DNM3: variants seen among roughly 807,000 people sequenced by gnomAD.
The protein encoded by DNM3 is dynamin 3.
A neutral mutation model predicts 101.6 loss-of-function variants in DNM3; 47 were observed. The observed-to-expected ratio is 0.46, with a 90% CI of 0.37 to 0.59. DNM3 has a LOEUF of 0.59. DNM3 is among the 20% of genes least tolerant of loss of function. DNM3 has a pLI of 0.00. For missense variants in DNM3, 849 were observed against 1,085.7 expected, an observed-to-expected ratio of 0.78 and a Z score of 3.06; for synonymous variants, 385 against 387.9, an observed-to-expected ratio of 0.99 and a Z score of 0.09.
At chr1:172,048,585 A>G (rs751881404) in intron 9 of DNM3, 27 bp from the exon 10 acceptor site, 13 of 1,581,602 alleles carry the variant, frequency 8.2e-6, no homozygotes, top group Non-Finnish European at 1.1e-5. Context: ...AAAAAATCTC[A>G]TGGGCTGCTT....
At chr1:172,035,219 C>T (rs2048873997) in intron 6 of DNM3, among the ~76,000 whole-genome samples, 2 of 151,962 alleles carry the variant, frequency 1.3e-5, no homozygotes, top group South Asian at 4.1e-4. Context: ...GATGGGGAAC[C>T]CTGAAGGGAA....
At chr1:172,101,402 G>T (rs1409494019) in intron 13 of DNM3, among the ~76,000 whole-genome samples, 2 of 152,116 alleles carry the variant, frequency 1.3e-5, no homozygotes, top group African/African-American at 4.8e-5. Flanking sequence ...TGGTTCTTCA[G>T]AGCTGACACA....
At chr1:172,065,719 G>A (rs2051603017) in intron 10 of DNM3, among the ~76,000 whole-genome samples, 1 of 152,158 alleles carries the variant, frequency 6.6e-6, no homozygotes, top group Non-Finnish European at 1.5e-5. Context: ...GGAGACGCTG[G>A]TGATGATTTT....
chr1:172,217,140 T>A (rs892290553), intron 14 of DNM3, among the ~76,000 whole-genome samples: 1 of 152,118 alleles, frequency 6.6e-6, no homozygotes, highest in Non-Finnish European at 1.5e-5. Context: ...ATGAGCCACA[T>A]AGTGGCATTT....
At chr1:172,188,309 G>C (rs1488418386) in intron 14 of DNM3, among the ~76,000 whole-genome samples, 16 of 152,070 alleles carry the variant, frequency 1.1e-4, no homozygotes, top group Non-Finnish European at 7.4e-5. Flanking sequence ...TTTTCCTTAG[G>C]CTCAGGTGGT....
intron 14 of DNM3, among the ~76,000 whole-genome samples, chr1:172,156,505 A>T (rs1413903161): frequency 6.6e-6 from 1 of 152,074 alleles, no homozygotes; most frequent in African/African-American, 2.4e-5. Flanking sequence ...TTCTTACCTA[A>T]TAATTCCTAG....
At chr1:172,133,032 G>C in intron 14 of DNM3, 2 of 1,500,016 alleles carry the variant, frequency 1.3e-6, no homozygotes, top group Non-Finnish European at 1.8e-6. Flanking sequence ...GAGATGCCTG[G>C]AGTTGTCCAA....
In DNM3 at chr1:172,038,407, C is replaced by G. The variant is rs764755733; in HGVS notation, c.938C>G (p.Ala313Gly). Residue 313 changes from alanine (A) to glycine (G), a missense_variant, in exon 7 of 21, where the codon GCC (alanine) becomes GGC (glycine). By Grantham distance (60) the Ala-to-Gly change is moderately conservative (BLOSUM62 0). This residue lies in a region of DNM3 where 388 missense variants were observed against 483.0 expected (regional missense o/e 0.80). Coordinates refer to ENST00000627582, the MANE Select transcript of DNM3 (RefSeq NM_015569.5). The part of the protein sequence containing the change: ...QLLSIEHEVE[A>G]YKNFKPEDPT... ...CTCTCCATAGAACATGAAGTAGAAG[C>G]CTACAAAAATTTCAAACCAGAAGAC... The G allele has an allele frequency of 6.2e-7, 1 of 1,613,348 alleles. No individual in the cohort carries two copies. Among genetic ancestry groups the G allele is most frequent in the South Asian group, 1.1e-5 (1 of 91,062 alleles).
At chr1:172,109,195 A>G (rs1279293050) in intron 13 of DNM3, among the ~76,000 whole-genome samples, 1 of 152,136 alleles carries the variant, frequency 6.6e-6, no homozygotes, top group Admixed American at 6.5e-5. Context: ...ACTAAAACTG[A>G]TTTTCTTAAT....
At chr1:172,361,809 C>T (rs1333038339) in intron 17 of DNM3, among the ~76,000 whole-genome samples, 1 of 152,024 alleles carries the variant, frequency 6.6e-6, no homozygotes. Context: ...AAGCTTTCTA[C>T]ACAAGTCATC....
At chr1:172,268,805 G>T (rs138076901) in intron 15 of DNM3, among the ~76,000 whole-genome samples, 100 of 152,226 alleles carry the variant, frequency 6.6e-4, no homozygotes, top group Non-Finnish European at 1.1e-3. Context: ...AATGAAATAG[G>T]AGTATGACGT....
intron 13 of DNM3, among the ~76,000 whole-genome samples, chr1:172,109,997 C>CTTTGT (rs2055345100): frequency 6.6e-6 from 1 of 152,168 alleles, no homozygotes; most frequent in South Asian, 2.1e-4. Context: ...ATGTGTTGTT[C>CTTTGT]TTTGTTTTGT....
intron 2 of DNM3, among the ~76,000 whole-genome samples, chr1:171,981,184 A>G (rs184487065): frequency 2.4e-4 from 36 of 152,352 alleles, no homozygotes; most frequent in Non-Finnish European, 7.3e-5. Flanking sequence ...TGCTTTATAC[A>G]GCCAGTGAAT....
chr1:172,390,198 G>A (rs2069443995), intron 20 of DNM3, among the ~76,000 whole-genome samples: 1 of 152,170 alleles, frequency 6.6e-6, no homozygotes. Flanking sequence ...AGTAATAGCA[G>A]TACTAGCAAT....
At chr1:172,073,300 TATATGTGTACATATTTGAACATATGTGC>T (rs1005832474) in intron 11 of DNM3, among the ~76,000 whole-genome samples, 1 of 76,908 alleles carries the variant, frequency 1.3e-5, no homozygotes, top group African/African-American at 3.0e-5. Flanking sequence ...CACATATAAG[TATATGTGTACATATTTGAACATATGTGC>T]ATATGTGTAC....
intron 1 of DNM3, among the ~76,000 whole-genome samples, chr1:171,903,500 T>TTA: frequency 6.6e-6 from 1 of 152,188 alleles, no homozygotes; most frequent in Non-Finnish European, 1.5e-5. Flanking sequence ...GCTATCTTAT[T>TTA]TATTAATATG....
intron 17 of DNM3, among the ~76,000 whole-genome samples, chr1:172,347,009 A>C (rs2066972282): frequency 6.6e-6 from 1 of 152,182 alleles, no homozygotes; most frequent in African/African-American, 2.4e-5. Context: ...TATTGTATTG[A>C]CCTTGGCACT....
In DNM3 at chr1:172,408,866, T is replaced by G. The variant is rs1488822155; in HGVS notation, c.*1025T>G. On this transcript the variant is annotated 3_prime_UTR_variant, in exon 21 of 21. Coordinates refer to ENST00000627582, the MANE Select transcript of DNM3 (RefSeq NM_015569.5). ...CATTCTAGGCTTTCTTAATAAATCTTGAGGCTATGGGATAATCACATTTAA... is the reference window on the plus strand; with the variant it reads ...CATTCTAGGCTTTCTTAATAAATCTGGAGGCTATGGGATAATCACATTTAA... 2 of 985,198 alleles carry G rather than the reference T, an allele frequency of 2.0e-6. No individual in the cohort carries two copies. Among genetic ancestry groups the G allele is most frequent in the African/African-American group, 1.7e-5 (1 of 57,208 alleles). The allele number at this position is 985,198 out of a possible 1,614,324, so 61.0% of individuals were successfully genotyped here. A position where few individuals can be genotyped will look rare whatever the true frequency, so the allele number is the denominator to read the frequency against.
intron 14 of DNM3, among the ~76,000 whole-genome samples, chr1:172,168,787 G>C (rs1309005799): frequency 1.3e-5 from 2 of 151,902 alleles, no homozygotes; most frequent in East Asian, 3.9e-4. Flanking sequence ...TGCCTATAGA[G>C]TCCTGCTCTG....
Sources: allele counts gnomAD v4.1 joint callset (sites outside exome capture counted in the v4.1 genomes callset), GRCh38; gene constraint gnomAD v4.1.1; regional missense constraint gnomAD v4.1.1; transcripts MANE v1.5; gene names NCBI Gene and HGNC (gene_info 2026-07-23, HGNC 2026-07-21).